Variants in SYT1 observed in about 807,000 individuals in gnomAD.
SYT1 encodes the protein synaptotagmin-1.
A neutral mutation model predicts 44.8 loss-of-function variants in SYT1; 8 were observed. That is an observed-to-expected ratio of 0.18 (90% CI 0.10 to 0.32). The LOEUF is 0.32. Ranked by LOEUF, SYT1 falls within the 10% of genes least tolerant of loss-of-function variation. The pLI, the probability that SYT1 is intolerant of heterozygous loss-of-function variation, is 1.00. For synonymous variants in SYT1, 154 were observed against 188.8 expected (o/e 0.82, Z 1.51); for missense variants, 286 against 509.3 (o/e 0.56, Z 4.22).
intron 7 of SYT1, among the ~76,000 whole-genome samples, chr12:79,297,386 T>C (rs1879927039): frequency 6.6e-6 from 1 of 152,142 alleles, no homozygotes; most frequent in Admixed American, 6.6e-5. Context: ...ATTTTAAAAA[T>C]ATTGTAATAG....
chr12:79,119,846 C>G (rs1229689474), intron 3 of SYT1, among the ~76,000 whole-genome samples: 1 of 151,940 alleles, frequency 6.6e-6, no homozygotes, highest in African/African-American at 2.4e-5. Flanking sequence ...TTTATTCTCC[C>G]CTTGAGTAAG....
intron 1 of SYT1, among the ~76,000 whole-genome samples, chr12:78,951,856 T>G (rs1878985235): frequency 6.6e-6 from 1 of 152,244 alleles, no homozygotes; most frequent in African/African-American, 2.4e-5. Context: ...TTTCTGGAGC[T>G]TATGTGTCAT....
rs1278231394 is a variant in SYT1 at position 79,178,969 on chromosome 12, T to TATATAG, written c.-17-38522_-17-38517dup. Among the ~76,000 whole-genome samples the TATATAG allele has an allele frequency of 1.4e-3, 67 of 46,856 alleles. 4 individuals are homozygous for TATATAG. Among genetic ancestry groups the TATATAG allele is most frequent in the African/African-American group, 3.6e-3 (36 of 10,098 alleles). The allele number at this position is 46,856 out of a possible 152,430, so 30.7% of individuals were successfully genotyped here. On this transcript the variant is annotated intron_variant, in intron 3 of 10. Transcript: ENST00000261205. ...ATATAGATATAGATATAGATATAGA[T>TATATAG]ATATAGATATAGATATATCTATATA...
intron 3 of SYT1, among the ~76,000 whole-genome samples, chr12:79,095,805 T>G (rs942648133): frequency 1.4e-4 from 21 of 151,928 alleles, no homozygotes; most frequent in Non-Finnish European, 2.4e-4. Context: ...AAGGCAACTT[T>G]CCTCCCTCTT....
chr12:78,934,174 A>G (rs1877920811), intron 1 of SYT1, among the ~76,000 whole-genome samples: 1 of 122,844 alleles, frequency 8.1e-6, no homozygotes, highest in Non-Finnish European at 1.7e-5. Flanking sequence ...ACACACACAT[A>G]CACACACACA....
At chr12:79,439,689 A>G (rs888889372) in intron 9 of SYT1, among the ~76,000 whole-genome samples, 1 of 152,166 alleles carries the variant, frequency 6.6e-6, no homozygotes, top group Non-Finnish European at 1.5e-5. Flanking sequence ...TAATTTTAAC[A>G]ACTTTATGAG....
At chr12:79,359,603 G>A (rs1352404667) in intron 9 of SYT1, among the ~76,000 whole-genome samples, 1 of 152,110 alleles carries the variant, frequency 6.6e-6, no homozygotes, top group Non-Finnish European at 1.5e-5. Flanking sequence ...GGTGATGAAG[G>A]AGTCACCATC....
chr12:79,126,521 A>C (rs1868450353), intron 3 of SYT1, among the ~76,000 whole-genome samples: 1 of 152,284 alleles, frequency 6.6e-6, no homozygotes, highest in Non-Finnish European at 1.5e-5. Flanking sequence ...AGCCTCCCAA[A>C]GTGCTGAGAT....
At chr12:79,153,962 A>C (rs1179949428) in intron 3 of SYT1, among the ~76,000 whole-genome samples, 1 of 152,132 alleles carries the variant, frequency 6.6e-6, no homozygotes, top group African/African-American at 2.4e-5. Context: ...AGAAAGATTA[A>C]AGAACTATGA....
intron 9 of SYT1, among the ~76,000 whole-genome samples, chr12:79,420,853 C>T (rs978841123): frequency 6.6e-6 from 1 of 152,008 alleles, no homozygotes; most frequent in Non-Finnish European, 1.5e-5. Context: ...TACTCCTTTG[C>T]CTTCTCAGTT....
chr12:79,141,955 G>A (rs1431426254), intron 3 of SYT1, among the ~76,000 whole-genome samples: 1 of 152,196 alleles, frequency 6.6e-6, no homozygotes, highest in African/African-American at 2.4e-5. Flanking sequence ...TGTTTAACTG[G>A]CAGCAATTTG....
chr12:79,313,763 T>G (rs1286438074), intron 8 of SYT1, among the ~76,000 whole-genome samples: 1 of 152,122 alleles, frequency 6.6e-6, no homozygotes, highest in Admixed American at 6.5e-5. Flanking sequence ...GCTTAATCCT[T>G]TCATAAAATG....
chr12:79,247,893 T>C lies in SYT1; in HGVS notation c.166+30208T>C, dbSNP rs185869485. 7.2e-5 allele frequency among the ~76,000 whole-genome samples: 11 copies of C among 152,298 alleles called. No homozygotes were observed. The East Asian group carries it at 1.9e-3, about 27-fold the overall frequency. On this transcript the variant is annotated intron_variant, in intron 4 of 10. Coordinates refer to ENST00000261205, the MANE Select transcript of SYT1 (RefSeq NM_005639.3). ...AGTGAAGGAACACAAAGTATGAAAG[T>C]AATAAGAGCCATCTTGGCTGCTGAA...
At chr12:78,882,361 G>GA (rs1249870910) in intron 1 of SYT1, among the ~76,000 whole-genome samples, 12 of 151,814 alleles carry the variant, frequency 7.9e-5, no homozygotes, top group African/African-American at 2.9e-4. Flanking sequence ...GCTTTCCACA[G>GA]TGATTGGATC....
intron 4 of SYT1, among the ~76,000 whole-genome samples, chr12:79,234,913 G>T (rs904725773): frequency 1.1e-4 from 17 of 151,986 alleles, no homozygotes; most frequent in African/African-American, 3.9e-4. Flanking sequence ...GTTTCACCAT[G>T]TTGGCTAGGA....
intron 3 of SYT1, among the ~76,000 whole-genome samples, chr12:79,136,875 C>A (rs1367441123): frequency 1.3e-5 from 2 of 151,966 alleles, no homozygotes; most frequent in Non-Finnish European, 2.9e-5. Flanking sequence ...ATTTCCTTCC[C>A]AGTTTAGTTC....
At chr12:79,037,217 T>C (rs986107239) in intron 2 of SYT1, among the ~76,000 whole-genome samples, 3 of 151,718 alleles carry the variant, frequency 2.0e-5, no homozygotes, top group African/African-American at 7.3e-5. Flanking sequence ...CATGCTTTGA[T>C]AGTGCCCTTA....
intron 1 of SYT1, among the ~76,000 whole-genome samples, chr12:78,905,798 C>T (rs966282846): frequency 6.6e-5 from 10 of 151,734 alleles, no homozygotes; most frequent in Non-Finnish European, 1.0e-4. Flanking sequence ...AATTACAGCA[C>T]ATTACAAGGC....
At chr12:78,982,859 A>T (rs369600003) in intron 2 of SYT1, among the ~76,000 whole-genome samples, 23 of 152,152 alleles carry the variant, frequency 1.5e-4, no homozygotes, top group Admixed American at 1.3e-4. Context: ...AATCTTATCC[A>T]TCATGCAGCC....
Sources: allele counts gnomAD v4.1 joint callset (sites outside exome capture counted in the v4.1 genomes callset), GRCh38; gene constraint gnomAD v4.1.1; transcripts MANE v1.5; gene names NCBI Gene and HGNC (gene_info 2026-07-23, HGNC 2026-07-21).